Variants in KIF15 observed in about 807,000 individuals in gnomAD.
KIF15 encodes kinesin-like protein KIF15.
KIF15 carries 140 observed loss-of-function variants against 190.6 expected under a neutral mutation model. The ratio of observed to expected loss-of-function variants is 0.73; its 90% CI spans 0.64 to 0.84. The LOEUF (loss-of-function observed/expected upper bound fraction) is 0.84, where lower values mean the gene tolerates loss of function less well. Among genes scored for constraint, KIF15 ranks in the 40% least tolerant of loss-of-function variants. The probability of loss-of-function intolerance (pLI) is 0.00; values close to 1 mark genes in which losing one functional copy is unlikely to be tolerated. For synonymous variants in KIF15, 528 were observed against 551.3 expected (o/e 0.96, Z 0.59); for missense variants, 1,372 against 1,584.4 (o/e 0.87, Z 2.28).
chr3:44,796,055 G>A lies in KIF15; in HGVS notation c.850-1496G>A, dbSNP rs368269660. Among the ~76,000 whole-genome samples, 9 of 152,104 alleles carry A rather than the reference G, an allele frequency of 5.9e-5. No individual in the cohort carries two copies. In the East Asian group the frequency reaches 9.6e-4, roughly 16 times the overall value. ...ATTTTGTATTTTTAATAGAGATGGG[G>A]TTTCACCATTTTGGCCAGGCTGGTC... On this transcript the variant is annotated intron_variant, in intron 8 of 34. Transcript: ENST00000326047.
At chr3:44,786,155 G>T (rs1247698540) in intron 6 of KIF15, among the ~76,000 whole-genome samples, 1 of 152,190 alleles carries the variant, frequency 6.6e-6, no homozygotes, top group African/African-American at 2.4e-5. Flanking sequence ...GGCAGAGCTT[G>T]CAGTGAGCCA....
chr3:44,805,016 C>A lies in KIF15; in HGVS notation c.1688-11C>A. The A allele has an allele frequency of 6.3e-7, 1 of 1,579,232 alleles. No homozygotes were observed. On this transcript the variant is annotated splice_polypyrimidine_tract_variant and intron_variant, in intron 14 of 34. Coordinates refer to ENST00000326047, the MANE Select transcript of KIF15 (RefSeq NM_020242.3). ...AAAAAAAAAAGACTGAGATTGTTTT[C>A]TTATTAACAGATCAGCAAGGATTTT...
At chr3:44,813,527 C>T (rs1197004911) in intron 19 of KIF15, among the ~76,000 whole-genome samples, 1 of 152,116 alleles carries the variant, frequency 6.6e-6, no homozygotes, top group Non-Finnish European at 1.5e-5. Context: ...AAGCGATTCC[C>T]CACCTCAGCC....
At chr3:44,801,721 T>C in intron 12 of KIF15, 44 bp from the exon 13 acceptor site, 2 of 1,276,564 alleles carry the variant, frequency 1.6e-6, no homozygotes, top group Non-Finnish European at 2.2e-6. Context: ...TTTAGGGAAG[T>C]CAAATTATTT....
intron 8 of KIF15, 85 bp downstream of exon 8, chr3:44,794,511 C>G: frequency 1.0e-6 from 1 of 970,488 alleles, no homozygotes; most frequent in Non-Finnish European, 1.5e-6. Flanking sequence ...GTGTCTCAGT[C>G]AATGAGGAAC....
chr3:44,855,972 T>A (rs2125735884), downstream of KIF15, among the ~76,000 whole-genome samples: 1 of 152,216 alleles, frequency 6.6e-6, no homozygotes, highest in East Asian at 1.9e-4. Context: ...AGACCATTAG[T>A]CCGTTCTACC....
intron 26 of KIF15, among the ~76,000 whole-genome samples, chr3:44,833,727 G>A (rs908582565): frequency 1.3e-5 from 2 of 152,198 alleles, no homozygotes; most frequent in African/African-American, 2.4e-5. Context: ...GGGGCTGGGG[G>A]CCGCTGGCAT....
At chr3:44,779,426 A>G (rs1027926667) in intron 4 of KIF15, among the ~76,000 whole-genome samples, 2 of 152,208 alleles carry the variant, frequency 1.3e-5, no homozygotes, top group Non-Finnish European at 2.9e-5. Context: ...GCTAGGTAAT[A>G]CATGGCAGGG....
At chr3:44,785,817 C>T (rs1192472145) in intron 6 of KIF15, among the ~76,000 whole-genome samples, 3 of 152,166 alleles carry the variant, frequency 2.0e-5, no homozygotes, top group Admixed American at 6.5e-5. Flanking sequence ...AATTTCCCAA[C>T]TGGACTGCTC....
At chr3:44,864,027 A>G in intron 6 of KIF15, 1 of 667,678 alleles carries the variant, frequency 1.5e-6, no homozygotes, top group South Asian at 2.1e-5. Flanking sequence ...TCTGCTGCCC[A>G]CTGAGGGTTA....
chr3:44,808,919 A>G (rs1159119307), intron 16 of KIF15, among the ~76,000 whole-genome samples: 1 of 152,218 alleles, frequency 6.6e-6, no homozygotes, highest in Non-Finnish European at 1.5e-5. Context: ...ATTAACTGGT[A>G]CCTACCTCAT....
intron 20 of KIF15, among the ~76,000 whole-genome samples, chr3:44,815,772 A>G (rs994030405): frequency 1.3e-5 from 2 of 152,194 alleles, no homozygotes; most frequent in African/African-American, 2.4e-5. Context: ...CCTTTTGTAT[A>G]ACATAACACT....
intron 1 of KIF15, among the ~76,000 whole-genome samples, chr3:44,772,122 A>G (rs1485845675): frequency 6.6e-6 from 1 of 152,190 alleles, no homozygotes; most frequent in African/African-American, 2.4e-5. Flanking sequence ...CAACACATAC[A>G]TAACTACACA....
chr3:44,816,334 C>T (rs1054161767), intron 20 of KIF15, among the ~76,000 whole-genome samples: 4 of 152,134 alleles, frequency 2.6e-5, no homozygotes, highest in African/African-American at 9.7e-5. Flanking sequence ...TGTTGCTTTG[C>T]TGTACCCATT....
At chr3:44,799,562 T>C (rs1707160072) in intron 10 of KIF15, among the ~76,000 whole-genome samples, 1 of 137,470 alleles carries the variant, frequency 7.3e-6, no homozygotes, top group Non-Finnish European at 1.6e-5. Context: ...ATTAATCAAC[T>C]TTTTTTTTTT....
rs999884686 is a variant in KIF15 at position 44,801,354 on chromosome 3, G to A, written c.1223-96G>A. The A allele has an allele frequency of 1.4e-5, 10 of 730,082 alleles. No homozygotes were observed. The African/African-American group carries it at 1.8e-4, about 13-fold the overall frequency. 45.2% of individuals were successfully genotyped at this position (730,082 alleles called of 1,614,324 possible). On this transcript the variant is annotated intron_variant, in intron 11 of 34. Coordinates refer to ENST00000326047, the MANE Select transcript of KIF15 (RefSeq NM_020242.3). ...GCCACAGTCTCATTCTTTTAGATTA[G>A]TTGAGAGCAATCAATTAAAGGCTAT...
chr3:44,861,877 G>A, intron 6 of KIF15: 1 of 1,485,198 alleles, frequency 6.7e-7, no homozygotes. Context: ...CGCGGCGCGC[G>A]CTCTGCCCTG....
chr3:44,822,339 T>C (rs1201935689), intron 20 of KIF15, among the ~76,000 whole-genome samples: 2 of 152,230 alleles, frequency 1.3e-5, no homozygotes, highest in Non-Finnish European at 2.9e-5. Context: ...CCCCCCACTC[T>C]CTTCTGGCTT....
chr3:44,848,521 AGTAAAATAG>A lies in KIF15; in HGVS notation c.3770_3778del (p.Ser1257_Val1260delinsIle). 1 of 1,126,446 alleles carries A rather than the reference AGTAAAATAG, an allele frequency of 8.9e-7. No homozygotes were observed. The highest frequency in any genetic ancestry group is 1.3e-6 in the Non-Finnish European group (1 of 768,438). The allele number at this position is 1,126,446 out of a possible 1,614,324, so 69.8% of individuals were successfully genotyped here. On this transcript the variant is annotated inframe_deletion and splice_region_variant, in exon 32 of 35. Transcript: ENST00000326047. ...TTTTCTTTTTTTAATCTTCTTATAG[AGTAAAATAG>A]TTGAAGAAATGCTGAAAATGAAAGC... is the stretch of plus-strand genomic sequence containing the variant.
Sources: allele counts gnomAD v4.1 joint callset (sites outside exome capture counted in the v4.1 genomes callset), GRCh38; gene constraint gnomAD v4.1.1; transcripts MANE v1.5; gene names NCBI Gene and HGNC (gene_info 2026-07-23, HGNC 2026-07-21).